The following PKHD1 variants were observed in gnomAD, a reference collection of about 807,000 sequenced individuals.
PKHD1 encodes fibrocystin.
PKHD1 carries 291 observed loss-of-function variants against 412.0 expected under a neutral mutation model. That is an observed-to-expected ratio of 0.71 (90% CI 0.64 to 0.78). PKHD1 has a LOEUF of 0.78. Among genes scored for constraint, PKHD1 ranks in the 30% least tolerant of loss-of-function variants. The pLI is 0.00. For synonymous variants in PKHD1, 1,777 were observed against 1,821.5 expected (o/e 0.98, Z 0.62); for missense variants, 4,825 against 4,950.7 (o/e 0.97, Z 0.76).
intron 36 of PKHD1, among the ~76,000 whole-genome samples, chr6:51,952,147 T>G (rs1411223230): frequency 6.6e-6 from 1 of 152,178 alleles, no homozygotes; most frequent in Non-Finnish European, 1.5e-5. Context: ...TAATCAAGTG[T>G]GTCTGGGACT....
rs786204688 is a variant in PKHD1 at position 51,748,297 on chromosome 6, G to A, written c.9319C>T (p.Arg3107Ter). The stretch of plus-strand genomic sequence containing the variant: ...TCACAAGAGGAGCACTTGTGGCCTC[G>A]GATGTGAAAGCCAAGTCTCTCTGAT... The part of the protein sequence containing the change: ...AGSERLGFHI[R>*]GHKCSSCELL... Residue 3107 changes from arginine (R) to a stop codon, truncating the protein, a stop_gained, in exon 58 of 67, where the codon CGA becomes TGA. Transcript: ENST00000371117. LOFTEE classifies it high-confidence loss of function. 14 of 1,613,870 alleles carry A rather than the reference G, an allele frequency of 8.7e-6. No homozygotes were observed. The highest frequency in any genetic ancestry group is 1.3e-5 in the African/African-American group (1 of 74,874).
chr6:51,641,874 A>G (rs1310984438), intron 63 of PKHD1, among the ~76,000 whole-genome samples: 1 of 152,134 alleles, frequency 6.6e-6, no homozygotes, highest in Non-Finnish European at 1.5e-5. Context: ...GGAGGGGAAC[A>G]TCACACACTA....
At chr6:51,893,415 G>T (rs1336395562) in intron 43 of PKHD1, among the ~76,000 whole-genome samples, 2 of 152,170 alleles carry the variant, frequency 1.3e-5, no homozygotes. Context: ...CGCATTTATA[G>T]GTGGGCAGGA....
chr6:51,779,853 CAGGCAT>C (rs1562293784), intron 53 of PKHD1, among the ~76,000 whole-genome samples: 2 of 151,526 alleles, frequency 1.3e-5, no homozygotes, highest in Non-Finnish European at 2.9e-5. Context: ...TTTGACATAA[CAGGCAT>C]AGATGGAAAA....
chr6:51,945,501 T>C (rs906892243), intron 36 of PKHD1, among the ~76,000 whole-genome samples: 1 of 152,196 alleles, frequency 6.6e-6, no homozygotes, highest in African/African-American at 2.4e-5. Context: ...TACATCTTTA[T>C]GAATGCAGTC....
chr6:52,085,756 C>T (rs1443953157), intron 1 of PKHD1, among the ~76,000 whole-genome samples: 5 of 152,056 alleles, frequency 3.3e-5, no homozygotes, highest in Admixed American at 1.3e-4. Flanking sequence ...GTGTGAAGGT[C>T]CCACACAGCG....
At chr6:51,885,704 A>G (rs1475860180) in intron 45 of PKHD1, among the ~76,000 whole-genome samples, 163 bp downstream of exon 45, 1 of 152,232 alleles carries the variant, frequency 6.6e-6, no homozygotes, top group Non-Finnish European at 1.5e-5. Flanking sequence ...ACAAGCACCT[A>G]TGATCCATTG....
chr6:51,687,715 A>T (rs531463062), intron 60 of PKHD1, among the ~76,000 whole-genome samples: 18 of 152,324 alleles, frequency 1.2e-4, no homozygotes, highest in African/African-American at 4.1e-4. Context: ...GTCTCTTGAC[A>T]TCTGTGTCTA....
At chr6:51,968,609 C>T (rs1306047165) in intron 35 of PKHD1, among the ~76,000 whole-genome samples, 2 of 152,168 alleles carry the variant, frequency 1.3e-5, no homozygotes, top group African/African-American at 4.8e-5. Flanking sequence ...ACCAAGACTT[C>T]GGATTACTTC....
intron 59 of PKHD1, 87 bp downstream of exon 59, chr6:51,746,634 T>G: frequency 1.2e-6 from 1 of 854,094 alleles, no homozygotes; most frequent in Non-Finnish European, 2.0e-6. Context: ...TTTGATGATT[T>G]TATTCCTTTC....
chr6:51,827,559 A>C (rs6923052), intron 52 of PKHD1, among the ~76,000 whole-genome samples: 8,438 of 152,224 alleles, frequency 0.055, 292 homozygotes, highest in Middle Eastern at 0.12. Context: ...CTTGTGTCTC[A>C]TAACTGCCCC....
chr6:52,031,874 A>G (rs889505344), intron 29 of PKHD1, among the ~76,000 whole-genome samples: 38 of 152,256 alleles, frequency 2.5e-4, no homozygotes, highest in African/African-American at 8.7e-4. Context: ...GTATGTATCA[A>G]CAACATAACT....
In PKHD1 at chr6:51,856,035, A is replaced by G; in HGVS notation, c.7769T>C (p.Met2590Thr). The G allele has an allele frequency of 1.2e-6, 2 of 1,608,658 alleles. No homozygotes were observed. Among genetic ancestry groups the G allele is most frequent in the African/African-American group, 1.3e-5 (1 of 74,928 alleles). The change falls in exon 49 of 67, where the codon ATG (methionine) becomes ACG (threonine). Residue 2590 changes from methionine to threonine, a missense_variant. Coordinates refer to ENST00000371117, the MANE Select transcript of PKHD1 (RefSeq NM_138694.4). ...NTPEVSYDLT[M>T]TDSRNKTTTV... ...GGTTGTTTTATTTCTGCTGTCAGTC[A>G]TGGTTAAATCATAAGAAACTTCAGG...
At chr6:51,841,703 T>G (rs1462313010) in intron 50 of PKHD1, among the ~76,000 whole-genome samples, 1 of 152,192 alleles carries the variant, frequency 6.6e-6, no homozygotes, top group Non-Finnish European at 1.5e-5. Context: ...AGATTCTGAT[T>G]CCGCTCTGCC....
intron 60 of PKHD1, among the ~76,000 whole-genome samples, chr6:51,708,848 C>T (rs562434550): frequency 6.6e-6 from 1 of 151,552 alleles, no homozygotes; most frequent in East Asian, 1.9e-4. Context: ...AGCCCTCAGG[C>T]TAAGAATGGT....
Position 51,847,954 on chromosome 6 carries a change from T to C in PKHD1, c.7928A>G (p.Asp2643Gly). Residue 2643 changes from aspartate (D) to glycine (G), a missense_variant, in exon 50 of 67, where the codon GAC becomes GGC. Transcript: ENST00000371117. The part of the protein sequence containing the change: ...NRSLQYSATF[D>G]NFAPGNYLLL... ...TAGGTAATTACCAGGAGCAAAGTTG[T>C]CAAAGGTTGCTGAGTACTTGAAGTG... 6.2e-7 allele frequency: 1 copy of C among 1,613,448 alleles called. No individual in the cohort carries two copies. Among genetic ancestry groups the C allele is most frequent in the Non-Finnish European group, 8.5e-7 (1 of 1,179,408 alleles).
At chr6:51,726,466 A>G (rs894532784) in intron 60 of PKHD1, among the ~76,000 whole-genome samples, 7 of 152,214 alleles carry the variant, frequency 4.6e-5, no homozygotes, top group Non-Finnish European at 1.0e-4. Flanking sequence ...ACTGGTCTTA[A>G]TCACCTCTTT....
chr6:52,012,521 G>A (rs953495742), intron 34 of PKHD1, among the ~76,000 whole-genome samples: 1 of 152,188 alleles, frequency 6.6e-6, no homozygotes, highest in Admixed American at 6.5e-5. Flanking sequence ...TTTGCTCCTG[G>A]AGCATCAGTC....
intron 35 of PKHD1, among the ~76,000 whole-genome samples, chr6:51,973,823 G>A (rs181495106): frequency 4.0e-4 from 61 of 152,052 alleles, no homozygotes; most frequent in African/African-American, 1.2e-3. Flanking sequence ...TTTTTTCCCC[G>A]TTTTCCCAAC....
Sources: allele counts gnomAD v4.1 joint callset (sites outside exome capture counted in the v4.1 genomes callset), GRCh38; gene constraint gnomAD v4.1.1; transcripts MANE v1.5; gene names NCBI Gene and HGNC (gene_info 2026-07-23, HGNC 2026-07-21).